Variants in SNTB1 observed in about 807,000 individuals in gnomAD.
The protein encoded by SNTB1 is beta-1-syntrophin.
Under a neutral mutation model 48.9 loss-of-function variants are expected in SNTB1, and 36 were observed. The observed-to-expected ratio is 0.74, with a 90% CI of 0.56 to 0.97. The LOEUF (loss-of-function observed/expected upper bound fraction) is 0.97, where lower values mean the gene tolerates loss of function less well. Among genes scored for constraint, SNTB1 ranks in the 50% least tolerant of loss-of-function variants. SNTB1 has a pLI of 0.00. For missense variants in SNTB1, 786 were observed against 703.4 expected, an observed-to-expected ratio of 1.12 and a Z score of -1.33; for synonymous variants, 299 against 294.6, an observed-to-expected ratio of 1.01 and a Z score of -0.15.
intron 3 of SNTB1, among the ~76,000 whole-genome samples, chr8:120,603,514 T>A (rs1313900593): frequency 6.6e-6 from 1 of 152,228 alleles, no homozygotes; most frequent in African/African-American, 2.4e-5. Context: ...ACCAGAATCA[T>A]CAGCATTGCC....
intron 2 of SNTB1, among the ~76,000 whole-genome samples, chr8:120,667,098 T>TC (rs56869719): frequency 0.5 from 70,028 of 140,436 alleles, 17,994 homozygotes; most frequent in East Asian, 0.68. Context: ...TCTCTCTCTC[T>TC]TCTTTTTTTT....
intron 4 of SNTB1, 127 bp downstream of exon 4, chr8:120,574,959 A>G (rs917872810): frequency 2.6e-6 from 3 of 1,133,386 alleles, no homozygotes; most frequent in African/African-American, 1.6e-5. Flanking sequence ...ATGTGTGGCT[A>G]TATTCTTAAG....
At chr8:120,791,770 A>G (rs1820040607) in intron 1 of SNTB1, among the ~76,000 whole-genome samples, 1 of 151,982 alleles carries the variant, frequency 6.6e-6, no homozygotes, top group Non-Finnish European at 1.5e-5. Flanking sequence ...CCCAATCAGA[A>G]TAAACATTAT....
chr8:120,640,689 T>G (rs1817178131), intron 2 of SNTB1, among the ~76,000 whole-genome samples: 1 of 152,200 alleles, frequency 6.6e-6, no homozygotes, highest in Admixed American at 6.5e-5. Flanking sequence ...ATTTATTGAT[T>G]TGCGTATGTT....
chr8:120,538,784 T>G lies in SNTB1; in HGVS notation c.*93A>C, dbSNP rs1389180830. The G allele has an allele frequency of 5.9e-6, 6 of 1,019,680 alleles. No individual in the cohort carries two copies. The highest frequency in any genetic ancestry group is 9.4e-6 in the Non-Finnish European group (6 of 639,966). 63.2% of individuals were successfully genotyped at this position (1,019,680 alleles called of 1,614,324 possible). On this transcript the variant is annotated 3_prime_UTR_variant, in exon 7 of 7. Transcript: ENST00000517992. ...CTAAAGCTGACTGTAGCACGCTACA[T>G]CTGGTGCGCTGCTCACTACAGATGG...
Position 120,739,706 on chromosome 8 carries a change from C to G in SNTB1, c.572-45798G>C, listed in dbSNP as rs141266703. On this transcript the variant is annotated intron_variant, in intron 1 of 6. Transcript: ENST00000517992. ...AAACACATCTAAAGAGCTGTCATAA[C>G]AAAAAGATTCATGTTGGGCTCCACA... 3.2e-3 allele frequency among the ~76,000 whole-genome samples: 484 copies of G among 152,222 alleles called. 2 individuals are homozygous for G. Among genetic ancestry groups the G allele is most frequent in the Non-Finnish European group, 5.4e-3 (368 of 68,012 alleles).
At chr8:120,809,443 T>C (rs1306611289) in intron 1 of SNTB1, among the ~76,000 whole-genome samples, 2 of 145,614 alleles carry the variant, frequency 1.4e-5, no homozygotes, top group Admixed American at 1.3e-4. Flanking sequence ...AACTGCTTGA[T>C]TTTTTTTCTT....
At position 120,597,602 on chromosome 8, in the gene SNTB1, T is replaced by C. The variant is rs1001886156; in HGVS notation, c.997-22377A>G. ...CCACAAAGAAGGATCCTAATGCATGTGTTTGCTAATTGATTGCCATTTTGG... is the reference window on the plus strand; with the variant it reads ...CCACAAAGAAGGATCCTAATGCATGCGTTTGCTAATTGATTGCCATTTTGG... On this transcript the variant is annotated intron_variant, in intron 3 of 6. Transcript: ENST00000517992. Among the ~76,000 whole-genome samples the C allele has an allele frequency of 3.9e-5, 6 of 152,352 alleles. No individual in the cohort carries two copies. The South Asian group carries it at 6.2e-4, about 16-fold the overall frequency.
chr8:120,602,322 G>A (rs756309784), intron 3 of SNTB1, among the ~76,000 whole-genome samples: 3 of 152,204 alleles, frequency 2.0e-5, no homozygotes, highest in Non-Finnish European at 4.4e-5. Flanking sequence ...GCTATGGTAT[G>A]CCACTGTTTG....
intron 1 of SNTB1, among the ~76,000 whole-genome samples, chr8:120,702,950 A>G (rs1818329902): frequency 6.6e-6 from 1 of 152,224 alleles, no homozygotes; most frequent in South Asian, 2.1e-4. Flanking sequence ...TGAGGATTAA[A>G]TGACTTAATA....
chr8:120,751,549 T>C (rs2130034368), intron 1 of SNTB1, among the ~76,000 whole-genome samples: 1 of 152,300 alleles, frequency 6.6e-6, no homozygotes, highest in East Asian at 1.9e-4. Flanking sequence ...TTATTGGCAC[T>C]GGAAGTAAAT....
chr8:120,633,168 C>T (rs142347158), intron 2 of SNTB1, among the ~76,000 whole-genome samples: 3 of 152,088 alleles, frequency 2.0e-5, no homozygotes, highest in Non-Finnish European at 4.4e-5. Context: ...ATTTTAGAAT[C>T]GAAGATGACC....
intron 6 of SNTB1, among the ~76,000 whole-genome samples, chr8:120,540,251 C>A (rs1029494231): frequency 6.6e-6 from 1 of 152,192 alleles, no homozygotes; most frequent in Non-Finnish European, 1.5e-5. Context: ...TCCCCCTCCA[C>A]ACTGGGAAGG....
At chr8:120,643,395 A>G (rs1439447221) in intron 2 of SNTB1, among the ~76,000 whole-genome samples, 1 of 152,130 alleles carries the variant, frequency 6.6e-6, no homozygotes. Flanking sequence ...ACTGTACCCA[A>G]TGTGCAGTCT....
At chr8:120,711,345 A>T (rs187799147) in intron 1 of SNTB1, among the ~76,000 whole-genome samples, 19 of 152,290 alleles carry the variant, frequency 1.2e-4, no homozygotes, top group African/African-American at 4.3e-4. Context: ...AAATCTTTAT[A>T]CACTCTAAAT....
At chr8:120,585,047 C>G (rs1333621136) in intron 3 of SNTB1, among the ~76,000 whole-genome samples, 1 of 152,252 alleles carries the variant, frequency 6.6e-6, no homozygotes, top group East Asian at 1.9e-4. Context: ...AACTGTGAGA[C>G]TATACATTTC....
At chr8:120,597,691 T>C (rs1163524346) in intron 3 of SNTB1, among the ~76,000 whole-genome samples, 1 of 152,222 alleles carries the variant, frequency 6.6e-6, no homozygotes, top group Non-Finnish European at 1.5e-5. Context: ...GGGAGCAGCA[T>C]TATGGAAGGA....
chr8:120,795,154 C>T (rs1364061797), intron 1 of SNTB1, among the ~76,000 whole-genome samples: 1 of 151,700 alleles, frequency 6.6e-6, no homozygotes, highest in African/African-American at 2.4e-5. Context: ...CTATTTTATT[C>T]AGCAATGATA....
chr8:120,674,015 T>C (rs1479681343), intron 2 of SNTB1, among the ~76,000 whole-genome samples: 2 of 152,168 alleles, frequency 1.3e-5, no homozygotes, highest in South Asian at 2.1e-4. Flanking sequence ...TTTTCCCTCA[T>C]AAGCAGAGCC....
Sources: gnomAD v4.1 joint callset for allele counts (sites outside exome capture counted in the v4.1 genomes callset) on GRCh38, gnomAD v4.1.1 for gene constraint, MANE v1.5 for transcripts, NCBI Gene and HGNC (gene_info 2026-07-23, HGNC 2026-07-21) for gene names.